The following RBPMS variants were observed in gnomAD, a reference collection of about 807,000 sequenced individuals.
The protein encoded by RBPMS is RNA binding protein, mRNA processing factor.
A neutral mutation model predicts 26.8 loss-of-function variants in RBPMS; 7 were observed. The ratio of observed to expected loss-of-function variants is 0.26; its 90% confidence interval spans 0.15 to 0.49. The LOEUF is 0.49. Ranked by LOEUF, RBPMS falls within the 20% of genes least tolerant of loss-of-function variation. The probability of loss-of-function intolerance (pLI) is 0.98; values close to 1 mark genes in which losing one functional copy is unlikely to be tolerated. For synonymous variants in RBPMS, 96 were observed against 93.3 expected, an observed-to-expected ratio of 1.03 and a Z score of -0.17; for missense variants, 186 against 250.0, an observed-to-expected ratio of 0.74 and a Z score of 1.73.
At chr8:30,418,927 G>A (rs1376759872) in intron 1 of RBPMS, among the ~76,000 whole-genome samples, 1 of 151,984 alleles carries the variant, frequency 6.6e-6, no homozygotes, top group Non-Finnish European at 1.5e-5. Context: ...TTTATACGTT[G>A]TAAACATTGA....
At chr8:30,473,932 G>A (rs933416273) in intron 1 of RBPMS, among the ~76,000 whole-genome samples, 1 of 152,286 alleles carries the variant, frequency 6.6e-6, no homozygotes. Flanking sequence ...CATTGGGCTT[G>A]TCGGGGGCTT....
chr8:30,510,227 C>T (rs192181592), intron 5 of RBPMS, among the ~76,000 whole-genome samples: 1 of 152,148 alleles, frequency 6.6e-6, no homozygotes, highest in South Asian at 2.1e-4. Flanking sequence ...TCTCTTAACT[C>T]TGATGTCTCG....
At chr8:30,391,887 A>G (rs968617632) in intron 1 of RBPMS, among the ~76,000 whole-genome samples, 4 of 152,098 alleles carry the variant, frequency 2.6e-5, no homozygotes, top group African/African-American at 4.8e-5. Flanking sequence ...AAATCTTTTT[A>G]TCTATTCATT....
intron 1 of RBPMS, among the ~76,000 whole-genome samples, chr8:30,414,053 T>A (rs1283671641): frequency 6.6e-6 from 1 of 152,176 alleles, no homozygotes; most frequent in Non-Finnish European, 1.5e-5. Flanking sequence ...GAGTGTTATT[T>A]CTTAAATCTT....
chr8:30,555,781 G>C lies in RBPMS; in HGVS notation c.529-3106G>C, dbSNP rs114654973. 3.6e-3 allele frequency: 2,130 copies of C among 599,408 alleles called. 48 individuals are homozygous for C. In the African/African-American group the frequency reaches 0.038, roughly 11 times the overall value. 37.1% of individuals were successfully genotyped at this position (599,408 alleles called of 1,614,324 possible). A position where few individuals can be genotyped will look rare whatever the true frequency, so the allele number is the denominator to read the frequency against. ...CCCCGTTAAGAAGAATTGTAAAGCA[G>C]CCCTTATGGGATGGGCAGGAGTGAC... On this transcript the variant is annotated intron_variant, in intron 6 of 8. Coordinates refer to ENST00000397323, the MANE Select transcript of RBPMS (RefSeq NM_001008710.3).
chr8:30,560,520 A>G (rs1230532901), intron 7 of RBPMS, among the ~76,000 whole-genome samples: 1 of 152,222 alleles, frequency 6.6e-6, no homozygotes, highest in Non-Finnish European at 1.5e-5. Flanking sequence ...GGACATCAGC[A>G]TCAGGAAGCT....
intron 6 of RBPMS, chr8:30,549,629 G>A (rs201437871): frequency 3.4e-6 from 5 of 1,464,826 alleles, no homozygotes; most frequent in Admixed American, 1.7e-5. Context: ...CACAGGAGGA[G>A]GGGCGGACGG....
chr8:30,426,986 C>T (rs1191125830), intron 1 of RBPMS, among the ~76,000 whole-genome samples: 2 of 152,218 alleles, frequency 1.3e-5, no homozygotes, highest in African/African-American at 2.4e-5. Context: ...GAAGGGGTCT[C>T]GCTTTGTTTC....
intron 1 of RBPMS, among the ~76,000 whole-genome samples, chr8:30,460,895 C>A (rs1815803420): frequency 6.6e-6 from 1 of 152,010 alleles, no homozygotes; most frequent in Admixed American, 6.6e-5. Flanking sequence ...ACCAAAAACA[C>A]AAAAAATTAG....
At chr8:30,436,554 G>A (rs2150688713) in intron 1 of RBPMS, among the ~76,000 whole-genome samples, 1 of 152,232 alleles carries the variant, frequency 6.6e-6, no homozygotes, top group South Asian at 2.1e-4. Context: ...GTCGTCAGTT[G>A]GAATCTTGTG....
chr8:30,481,281 G>GTTTGTTT (rs1490427400), intron 4 of RBPMS, among the ~76,000 whole-genome samples: 1 of 151,870 alleles, frequency 6.6e-6, no homozygotes, highest in Non-Finnish European at 1.5e-5. Flanking sequence ...TTTTTTGCTT[G>GTTTGTTT]TTTGTTTTTG....
chr8:30,449,220 T>TTTG (rs146640261), intron 1 of RBPMS, among the ~76,000 whole-genome samples: 1 of 152,116 alleles, frequency 6.6e-6, no homozygotes, highest in South Asian at 2.1e-4. Context: ...AAACTTGGAT[T>TTTG]TTGTTGTTGT....
At chr8:30,477,700 A>G (rs769826324) in intron 2 of RBPMS, 99 bp from the exon 3 acceptor site, 1 of 797,904 alleles carries the variant, frequency 1.3e-6, no homozygotes, top group Non-Finnish European at 2.1e-6. Context: ...AGACATTTGT[A>G]GGAGGAGTTA....
At chr8:30,499,362 T>TA (rs1161266444) in intron 4 of RBPMS, among the ~76,000 whole-genome samples, 1 of 152,218 alleles carries the variant, frequency 6.6e-6, no homozygotes, top group Non-Finnish European at 1.5e-5. Flanking sequence ...TAATAGGTGT[T>TA]AAAACTAGTA....
intron 1 of RBPMS, among the ~76,000 whole-genome samples, chr8:30,428,020 CTTTTT>C (rs58756060): frequency 9.6e-6 from 1 of 103,938 alleles, no homozygotes. Flanking sequence ...GAGACCCCAT[CTTTTT>C]TTTTTTTTTT....
chr8:30,421,918 G>T (rs960100488), intron 1 of RBPMS, among the ~76,000 whole-genome samples: 1 of 151,308 alleles, frequency 6.6e-6, no homozygotes, highest in Admixed American at 6.6e-5. Flanking sequence ...TCGCAACACT[G>T]CACTCCAGCC....
chr8:30,499,161 G>T (rs139062776), intron 4 of RBPMS, among the ~76,000 whole-genome samples: 1 of 152,236 alleles, frequency 6.6e-6, no homozygotes, highest in East Asian at 1.9e-4. Context: ...CAGCTACTCG[G>T]GAGGCTGAGG....
intron 5 of RBPMS, among the ~76,000 whole-genome samples, chr8:30,528,653 A>C (rs1341371052): frequency 1.3e-5 from 2 of 152,188 alleles, no homozygotes; most frequent in Non-Finnish European, 2.9e-5. Flanking sequence ...TTCAATCTTC[A>C]CAACACCCTG....
At chr8:30,501,448 T>A (rs1434131634) in intron 4 of RBPMS, among the ~76,000 whole-genome samples, 198 of 152,256 alleles carry the variant, frequency 1.3e-3, no homozygotes, top group African/African-American at 4.4e-3. Flanking sequence ...AATATGTTGT[T>A]TCTCAGCAGT....
Sources: gnomAD v4.1 joint callset for allele counts (sites outside exome capture counted in the v4.1 genomes callset) on GRCh38, gnomAD v4.1.1 for gene constraint, MANE v1.5 for transcripts, NCBI Gene and HGNC (gene_info 2026-07-23, HGNC 2026-07-21) for gene names.